ATXN2: variants seen among roughly 807,000 people sequenced by gnomAD.
The protein encoded by ATXN2 is ataxin-2.
A neutral mutation model predicts 138.6 loss-of-function variants in ATXN2; 37 were observed. The ratio of observed to expected loss-of-function variants is 0.27; its 90% CI spans 0.21 to 0.35. The LOEUF is 0.35. ATXN2 is among the 10% of genes least tolerant of loss of function. ATXN2 has a pLI of 1.00. For missense variants in ATXN2, 1,216 were observed against 1,480.3 expected, an observed-to-expected ratio of 0.82 and a Z score of 2.93; for synonymous variants, 549 against 543.7, an observed-to-expected ratio of 1.01 and a Z score of -0.13.
At chr12:111,465,695 G>A (rs1257098380) in intron 20 of ATXN2, among the ~76,000 whole-genome samples, 20 of 146,028 alleles carry the variant, frequency 1.4e-4, no homozygotes, top group Non-Finnish European at 2.7e-4. Flanking sequence ...GCTTGAACCT[G>A]GGAGGCAGAT....
In ATXN2 at chr12:111,598,007, G is replaced by A. The variant is rs1476546487; in HGVS notation, c.251+777C>T. On this transcript the variant is annotated intron_variant, in intron 1 of 24. Coordinates refer to ENST00000673436, the MANE Select transcript of ATXN2 (RefSeq NM_001372574.1). This position sits in a 1 kb window ranked among gnomAD's most constrained non-coding sequence, Gnocchi z 4.5. ...CGCCGGAGAGGTCTGGCGGGGGAAG[G>A]AGGAAGGCCGGGACGGGGCCGGGCA... The A allele has an allele frequency of 8.4e-7, 1 of 1,196,236 alleles. No individual in the cohort carries two copies. The highest frequency in any genetic ancestry group is 1.6e-5 in the African/African-American group (1 of 62,948). 74.1% of individuals were successfully genotyped at this position (1,196,236 alleles called of 1,614,324 possible). A position where few individuals can be genotyped will look rare whatever the true frequency, so the allele number is the denominator to read the frequency against.
chr12:111,550,738 G>A (rs1190989739), intron 5 of ATXN2, among the ~76,000 whole-genome samples: 1 of 152,122 alleles, frequency 6.6e-6, no homozygotes, highest in African/African-American at 2.4e-5. Context: ...ACAGAACACT[G>A]TGCTTTCATC....
chr12:111,584,379 A>C (rs868692758), intron 1 of ATXN2, among the ~76,000 whole-genome samples: 26 of 87,492 alleles, frequency 3.0e-4, no homozygotes, highest in South Asian at 4.3e-4. Context: ...CCCTGTCTCA[A>C]AAAAAAAAAA....
At chr12:111,472,505 A>G (rs1432884067) in intron 18 of ATXN2, among the ~76,000 whole-genome samples, 1 of 152,204 alleles carries the variant, frequency 6.6e-6, no homozygotes, top group Non-Finnish European at 1.5e-5. Flanking sequence ...TAACATTAAA[A>G]AAGAACCTAC....
intron 14 of ATXN2, among the ~76,000 whole-genome samples, chr12:111,499,507 C>A (rs1224226414): frequency 1.3e-5 from 2 of 152,078 alleles, no homozygotes; most frequent in African/African-American, 2.4e-5. Context: ...AGTTCAAGAC[C>A]AGCCTGGGCA....
chr12:111,529,863 T>TAA (rs1455872522), intron 5 of ATXN2, among the ~76,000 whole-genome samples: 2 of 152,122 alleles, frequency 1.3e-5, no homozygotes, highest in Non-Finnish European at 2.9e-5. Context: ...CTTAAATGTA[T>TAA]AAAAACTATA....
chr12:111,547,836 ATTTT>A (rs34988312), intron 5 of ATXN2, among the ~76,000 whole-genome samples: 1 of 100,212 alleles, frequency 1.0e-5, no homozygotes, highest in East Asian at 3.2e-4. Context: ...TTGCTTGAGA[ATTTT>A]TTTTTTTTTT....
rs59185968 is a variant in ATXN2 at position 111,493,418 on chromosome 12, C to CAAAAAAAAAAAA, written c.1936-4650_1936-4639dup. Among the ~76,000 whole-genome samples, 22 of 45,630 alleles carry CAAAAAAAAAAAA rather than the reference C, an allele frequency of 4.8e-4. 1 individual carries two copies. Among genetic ancestry groups the CAAAAAAAAAAAA allele is most frequent in the African/African-American group, 2.2e-3 (22 of 10,008 alleles). 29.9% of individuals were successfully genotyped at this position (45,630 alleles called of 152,430 possible). On this transcript the variant is annotated intron_variant, in intron 14 of 24. Transcript: ENST00000673436. ...CTGGTAACAGAGCATGACTCTGTCT[C>CAAAAAAAAAAAA]AAAAAAAAAAAAAAAAAAAAAAAGT...
At chr12:111,579,998 C>A (rs1427154868) in intron 1 of ATXN2, among the ~76,000 whole-genome samples, 3 of 152,104 alleles carry the variant, frequency 2.0e-5, no homozygotes. Flanking sequence ...CTGGGCCCAG[C>A]CAGAGATAAG....
intron 1 of ATXN2, among the ~76,000 whole-genome samples, chr12:111,560,300 T>C (rs1645013094): frequency 6.6e-6 from 1 of 152,090 alleles, no homozygotes; most frequent in Non-Finnish European, 1.5e-5. Flanking sequence ...ATATTAGGTA[T>C]TATAAGTAAT....
At chr12:111,457,188 C>A in intron 22 of ATXN2, 26 bp downstream of exon 22, 1 of 1,595,724 alleles carries the variant, frequency 6.3e-7, no homozygotes, top group Non-Finnish European at 8.5e-7. Context: ...GAAGCCACTC[C>A]ATGCAGACCT....
At chr12:111,575,142 A>T (rs1004990644) in intron 1 of ATXN2, among the ~76,000 whole-genome samples, 1 of 151,918 alleles carries the variant, frequency 6.6e-6, no homozygotes, top group South Asian at 2.1e-4. Context: ...CTTCTCAAAC[A>T]TACTTATTTC....
At chr12:111,506,147 C>T (rs568114704) in intron 14 of ATXN2, among the ~76,000 whole-genome samples, 1 of 152,106 alleles carries the variant, frequency 6.6e-6, no homozygotes, top group East Asian at 1.9e-4. Context: ...CCCAAATAAG[C>T]CCATCCATAG....
intron 23 of ATXN2, chr12:111,455,079 C>A: frequency 1.4e-6 from 1 of 702,972 alleles, no homozygotes; most frequent in South Asian, 1.5e-5. Context: ...CCAACTGAGT[C>A]GCATCTCTAG....
intron 5 of ATXN2, among the ~76,000 whole-genome samples, chr12:111,530,064 G>C (rs576789811): frequency 6.6e-6 from 1 of 152,172 alleles, no homozygotes; most frequent in Non-Finnish European, 1.5e-5. Flanking sequence ...TCCTATTCCT[G>C]CGGCACTTTC....
intron 21 of ATXN2, among the ~76,000 whole-genome samples, chr12:111,463,065 G>T (rs1265210894): frequency 6.6e-6 from 1 of 151,594 alleles, no homozygotes; most frequent in African/African-American, 2.4e-5. Flanking sequence ...AATTAACAAA[G>T]ATTTAAGGTC....
rs546217072 is a variant in ATXN2 at position 111,556,069 on chromosome 12, G to C, written c.252-150C>G. The C allele has an allele frequency of 6.6e-5, 42 of 635,498 alleles. 1 individual carries two copies. Among genetic ancestry groups the C allele is most frequent in the Non-Finnish European group, 8.4e-5 (33 of 393,848 alleles). The allele number at this position is 635,498 out of a possible 1,614,324, so 39.4% of individuals were successfully genotyped here. A position where few individuals can be genotyped will look rare whatever the true frequency, so the allele number is the denominator to read the frequency against. On this transcript the variant is annotated intron_variant, in intron 1 of 24. Transcript: ENST00000673436. ...ATATTAAGTCTAAAGGCTACCTAAG[G>C]ATGGCTCTACCTATGCACTGCTTGC...
Position 111,453,897 on chromosome 12 carries a change from A to G in ATXN2, c.3271-52T>C. On this transcript the variant is annotated intron_variant, in intron 23 of 24. Coordinates refer to ENST00000673436, the MANE Select transcript of ATXN2 (RefSeq NM_001372574.1). This position sits in a 1 kb window ranked among gnomAD's most constrained non-coding sequence, Gnocchi z 5.4. ...ACAGGCAACATCTCCGGCTTCAACAACATGTCAACTGTGTTCCTTTCACTG... is the reference window on the plus strand; with the variant it reads ...ACAGGCAACATCTCCGGCTTCAACAGCATGTCAACTGTGTTCCTTTCACTG... The G allele has an allele frequency of 3.2e-6, 5 of 1,543,950 alleles. No individual in the cohort carries two copies. Among genetic ancestry groups the G allele is most frequent in the Non-Finnish European group, 3.5e-6 (4 of 1,135,708 alleles).
At chr12:111,525,571 C>T (rs555708863) in intron 5 of ATXN2, among the ~76,000 whole-genome samples, 11 of 151,966 alleles carry the variant, frequency 7.2e-5, no homozygotes, top group South Asian at 2.1e-4. Context: ...TAAACTGATA[C>T]GGAATATATA....
Sources: allele counts gnomAD v4.1 joint callset (sites outside exome capture counted in the v4.1 genomes callset), GRCh38; gene constraint gnomAD v4.1.1; non-coding constraint Gnocchi (gnomAD v3.1); transcripts MANE v1.5; gene names NCBI Gene and HGNC (gene_info 2026-07-23, HGNC 2026-07-21).